EIF3K: variants seen among roughly 807,000 people sequenced by gnomAD.
EIF3K encodes eukaryotic translation initiation factor 3 subunit K.
In EIF3K, 27 loss-of-function variants were observed where a neutral mutation model predicts 34.2. The ratio of observed to expected loss-of-function variants is 0.79; its 90% confidence interval spans 0.58 to 1.09. EIF3K has a LOEUF of 1.09. Among genes scored for constraint, EIF3K ranks in the 50% least tolerant of loss-of-function variants. The pLI, the probability that EIF3K is intolerant of heterozygous loss-of-function variation, is 0.00. For synonymous variants in EIF3K, 105 were observed against 105.7 expected, an observed-to-expected ratio of 0.99 and a Z score of 0.04; for missense variants, 232 against 275.4, an observed-to-expected ratio of 0.84 and a Z score of 1.11.
At chr19:38,631,649 T>A (rs2144778500) in intron 4 of EIF3K, among the ~76,000 whole-genome samples, 1 of 152,328 alleles carries the variant, frequency 6.6e-6, no homozygotes, top group African/African-American at 2.4e-5. Context: ...CGTTCCTTCC[T>A]CTTTTACTAA....
rs959668776 is a variant in EIF3K at position 38,619,192 on chromosome 19, T to C, written c.-77T>C. On this transcript the variant is annotated 5_prime_UTR_variant, in exon 1 of 8. Transcript: ENST00000248342. ...CGTCGTTTCCGTTTCCACCACCTCTTCCTGTTCCCGTCCTTGAGGACGCCG... is the reference window on the plus strand; with the variant it reads ...CGTCGTTTCCGTTTCCACCACCTCTCCCTGTTCCCGTCCTTGAGGACGCCG... 12 of 1,541,072 alleles carry C rather than the reference T, an allele frequency of 7.8e-6. No homozygotes were observed. Among genetic ancestry groups the C allele is most frequent in the Non-Finnish European group, 1.1e-5 (12 of 1,121,782 alleles).
In EIF3K at chr19:38,620,142, G is replaced by A. The variant is rs549646772; in HGVS notation, c.60-195G>A. On this transcript the variant is annotated intron_variant, in intron 1 of 7. Transcript: ENST00000248342. ...CTCCAGTGGAGTTTAGAGCTTAGGC[G>A]AGAGGTCTGGGATAAGAATAAGTTT... Among the ~76,000 whole-genome samples the A allele has an allele frequency of 6.4e-4, 98 of 152,294 alleles. 1 individual carries two copies. Among genetic ancestry groups the A allele is most frequent in the Admixed American group, 1.1e-3 (17 of 15,296 alleles).
intron 7 of EIF3K, chr19:38,635,456 A>G: frequency 2.5e-6 from 1 of 403,934 alleles, no homozygotes; most frequent in Admixed American, 3.9e-5. Context: ...GGGGTGCCCA[A>G]GCCTCATGTG....
At chr19:38,630,575 A>G (rs2144776585) in intron 4 of EIF3K, 1 of 151,740 alleles carries the variant, frequency 6.6e-6, no homozygotes, top group East Asian at 1.9e-4. Context: ...CGATCTCCTG[A>G]CCTCACGATC....
chr19:38,631,703 T>G (rs548897208), intron 4 of EIF3K, among the ~76,000 whole-genome samples: 12 of 152,302 alleles, frequency 7.9e-5, no homozygotes, highest in South Asian at 4.1e-4. Context: ...GCTGGGGGAC[T>G]GTCAGGTCTT....
chr19:38,627,150 T>C (rs1013441184), intron 4 of EIF3K, among the ~76,000 whole-genome samples: 3 of 152,012 alleles, frequency 2.0e-5, no homozygotes, highest in African/African-American at 7.2e-5. Flanking sequence ...TCACGCTGGC[T>C]AATTTTTGTA....
At chr19:38,635,332 T>G in intron 7 of EIF3K, 1 of 667,488 alleles carries the variant, frequency 1.5e-6, no homozygotes, top group Non-Finnish European at 2.5e-6. Flanking sequence ...CTAGGCCCTG[T>G]GTCCTGCCCC....
rs145469936 is a variant in EIF3K, at chr19:38,633,770, C to T, written c.499+1092C>T. Among the ~76,000 whole-genome samples, 1,203 of 151,808 alleles carry T rather than the reference C, an allele frequency of 7.9e-3. 19 individuals carry two copies. The highest frequency in any genetic ancestry group is 0.027 in the African/African-American group (1,133 of 41,444). ...GGCAGATCACGTGAGGTCAGGAGTTCGAGACCAGCCTGGCCAACATGGGGA... is the reference window on the plus strand; with the variant it reads ...GGCAGATCACGTGAGGTCAGGAGTTTGAGACCAGCCTGGCCAACATGGGGA... On this transcript the variant is annotated intron_variant, in intron 6 of 7. Transcript: ENST00000248342.
intron 6 of EIF3K, among the ~76,000 whole-genome samples, chr19:38,633,693 A>G (rs913090390): frequency 1.3e-5 from 2 of 150,552 alleles, no homozygotes; most frequent in African/African-American, 2.5e-5. Flanking sequence ...TCCATCTAAA[A>G]AAAAAAAGAA....
chr19:38,623,187 A>G (rs1018231303), intron 2 of EIF3K, among the ~76,000 whole-genome samples: 4 of 152,386 alleles, frequency 2.6e-5, no homozygotes, highest in Admixed American at 2.0e-4. Flanking sequence ...AAAGACAGGC[A>G]TAAGAAATTA....
At chr19:38,627,049 C>T (rs988350295) in intron 4 of EIF3K, among the ~76,000 whole-genome samples, 2 of 152,054 alleles carry the variant, frequency 1.3e-5, no homozygotes, top group African/African-American at 2.4e-5. Flanking sequence ...TGCAGTGGCG[C>T]GATCTTGGCT....
intron 1 of EIF3K, 85 bp from the exon 2 acceptor site, chr19:38,620,252 C>T: frequency 9.2e-7 from 1 of 1,090,834 alleles, no homozygotes. Flanking sequence ...GCGGGAGGAG[C>T]AGGTTACAGT....
At chr19:38,629,906 A>G (rs946272738) in intron 4 of EIF3K, among the ~76,000 whole-genome samples, 7 of 152,056 alleles carry the variant, frequency 4.6e-5, no homozygotes, top group Admixed American at 3.3e-4. Context: ...ATGGTAGGAA[A>G]ATTGGCCTTT....
chr19:38,621,648 G>T (rs772876177), intron 2 of EIF3K, among the ~76,000 whole-genome samples: 1 of 152,124 alleles, frequency 6.6e-6, no homozygotes, highest in Non-Finnish European at 1.5e-5. Context: ...CATACATCTG[G>T]CTCAGCTCAG....
Position 38,619,273 on chromosome 19 carries a change from C to T in EIF3K, c.5C>T (p.Ala2Val). 6.2e-7 allele frequency: 1 copy of T among 1,613,904 alleles called. No individual in the cohort carries two copies. Among genetic ancestry groups the T allele is most frequent in the Non-Finnish European group, 8.5e-7 (1 of 1,179,902 alleles). M[A>V]MFEQMRANVG... The stretch of plus-strand genomic sequence containing the variant: ...TTGTGGAAGGCGACAGAAGTCATGG[C>T]GATGTTTGAGCAGATGAGAGCCAAC... Residue 2 changes from alanine to valine, a missense_variant, in exon 1 of 8, where the codon GCG becomes GTG. Coordinates refer to ENST00000248342, the MANE Select transcript of EIF3K (RefSeq NM_013234.4).
At position 38,626,060 on chromosome 19, in the gene EIF3K, C is replaced by G; in HGVS notation, c.312C>G (p.Tyr104Ter). 2 of 1,614,196 alleles carry G rather than the reference C, an allele frequency of 1.2e-6. No homozygotes were observed. The highest frequency in any genetic ancestry group is 3.3e-4 in the Middle Eastern group (2 of 6,062). The change falls in exon 4 of 8, where the codon TAC becomes TAG. Residue 104 changes from tyrosine to a stop codon, truncating the protein, a stop_gained. Transcript: ENST00000248342. LOFTEE classifies it high-confidence loss of function. ...AACGGCCAATCCGACAGATTTTGTA[C>G]CTCGGGGACCTGCTGGAGACCTGCC... ...QEERPIRQILYLGDLLETCHF... is the reference protein window; with the variant it reads ...QEERPIRQIL
intron 2 of EIF3K, among the ~76,000 whole-genome samples, chr19:38,623,533 G>A (rs981215368): frequency 6.6e-6 from 1 of 152,148 alleles, no homozygotes; most frequent in Non-Finnish European, 1.5e-5. Flanking sequence ...TCGAACTCCT[G>A]ATCTCAGGTG....
chr19:38,623,080 T>A (rs1001790663), intron 2 of EIF3K, among the ~76,000 whole-genome samples: 7 of 152,292 alleles, frequency 4.6e-5, no homozygotes, highest in African/African-American at 1.7e-4. Flanking sequence ...GATTAAGAGA[T>A]TAAAGTAAAG....
At chr19:38,621,732 C>G (rs542013336) in intron 2 of EIF3K, among the ~76,000 whole-genome samples, 1 of 152,148 alleles carries the variant, frequency 6.6e-6, no homozygotes, top group East Asian at 1.9e-4. Flanking sequence ...TTGCCATTTG[C>G]TACTCAGCAC....
Sources: allele counts gnomAD v4.1 joint callset (sites outside exome capture counted in the v4.1 genomes callset), GRCh38; gene constraint gnomAD v4.1.1; transcripts MANE v1.5; gene names NCBI Gene and HGNC (gene_info 2026-07-23, HGNC 2026-07-21).